DCHS2: variants seen among roughly 807,000 people sequenced by gnomAD.
DCHS2 encodes the protein dachsous cadherin-related 2.
A neutral mutation model predicts 182.4 loss-of-function variants in DCHS2; 142 were observed. The observed-to-expected ratio is 0.78, with a 90% CI of 0.68 to 0.89. DCHS2 has a LOEUF of 0.89. Ranked by LOEUF, DCHS2 falls within the 40% of genes least tolerant of loss-of-function variation. The pLI, the probability that DCHS2 is intolerant of heterozygous loss-of-function variation, is 0.00. For synonymous variants in DCHS2, 1,740 were observed against 1,663.3 expected (o/e 1.05, Z -1.12); for missense variants, 4,319 against 4,198.6 (o/e 1.03, Z -0.79).
Position 154,490,562 on chromosome 4 carries a change from T to C in DCHS2, c.794A>G (p.Gln265Arg). The change falls in exon 1 of 20, where the codon CAG becomes CGG. Residue 265 changes from glutamine to arginine, a missense_variant. Physicochemically the swap from Gln to Arg is conservative, Grantham distance 43. Coordinates refer to ENST00000357232, the MANE Select transcript of DCHS2 (RefSeq NM_001358235.2). ...DREEAAAHRL[Q>R]IEAWDGGRPR... is the part of the protein sequence containing the mutation. ...TCGGCCGCCGTCCCATGCCTCGATC[T>C]GCAGCCGGTGCGCCGCCGCCTCCTC... 3.2e-6 allele frequency: 5 copies of C among 1,542,038 alleles called. No individual in the cohort carries two copies. The highest frequency in any genetic ancestry group is 4.4e-6 in the Non-Finnish European group (5 of 1,146,100).
chr4:154,452,366 G>T (rs1734570203), intron 1 of DCHS2, among the ~76,000 whole-genome samples: 1 of 152,172 alleles, frequency 6.6e-6, no homozygotes, highest in African/African-American at 2.4e-5. Flanking sequence ...GGTTGAGGCT[G>T]TAATCCCAGC....
intron 12 of DCHS2, among the ~76,000 whole-genome samples, chr4:154,301,064 G>A (rs1179853548): frequency 2.6e-5 from 4 of 152,138 alleles, no homozygotes; most frequent in East Asian, 1.9e-4. Context: ...CTGGGATCAT[G>A]GAATTTATCT....
intron 3 of DCHS2, chr4:154,352,482 T>C (rs1373783886): frequency 6.6e-6 from 1 of 152,150 alleles, no homozygotes; most frequent in East Asian, 1.9e-4. Context: ...CAATTTCTGG[T>C]AAATGCAGAG....
chr4:154,383,819 A>AT (rs988550676), intron 1 of DCHS2, among the ~76,000 whole-genome samples: 15 of 151,502 alleles, frequency 9.9e-5, no homozygotes, highest in Non-Finnish European at 1.2e-4. Flanking sequence ...ACTCAGCAAA[A>AT]TTTGTGAAAA....
chr4:154,327,576 G>C (rs1736330604), intron 7 of DCHS2, among the ~76,000 whole-genome samples: 2 of 151,998 alleles, frequency 1.3e-5, no homozygotes, highest in African/African-American at 4.8e-5. Flanking sequence ...GTAAATAACT[G>C]GAAAAAATCT....
intron 1 of DCHS2, among the ~76,000 whole-genome samples, chr4:154,381,012 C>T (rs1480650444): frequency 6.6e-6 from 1 of 152,098 alleles, no homozygotes; most frequent in African/African-American, 2.4e-5. Flanking sequence ...TGGGCCCTTT[C>T]TCCAAAGATG....
At chr4:154,434,432 T>C (rs1238865204) in intron 1 of DCHS2, among the ~76,000 whole-genome samples, 1 of 151,988 alleles carries the variant, frequency 6.6e-6, no homozygotes, top group Non-Finnish European at 1.5e-5. Context: ...AGAAAAAAAA[T>C]AAGTCACTGG....
chr4:154,327,041 T>G (rs1736311621), intron 7 of DCHS2, among the ~76,000 whole-genome samples: 1 of 152,210 alleles, frequency 6.6e-6, no homozygotes, highest in East Asian at 1.9e-4. Context: ...CATTCTTTTA[T>G]GTCCTTCATT....
At chr4:154,346,157 C>T (rs1729350954) in intron 3 of DCHS2, among the ~76,000 whole-genome samples, 1 of 152,182 alleles carries the variant, frequency 6.6e-6, no homozygotes, top group Non-Finnish European at 1.5e-5. Flanking sequence ...AATTCCATCC[C>T]ATTAGGGGTG....
At chr4:154,469,221 T>TAA (rs1200291200) in intron 1 of DCHS2, among the ~76,000 whole-genome samples, 77 of 152,156 alleles carry the variant, frequency 5.1e-4, no homozygotes, top group African/African-American at 7.7e-4. Flanking sequence ...TGCAAACATC[T>TAA]TCTCAATATA....
intron 12 of DCHS2, among the ~76,000 whole-genome samples, chr4:154,302,946 C>A: frequency 6.8e-5 from 4 of 58,472 alleles, no homozygotes; most frequent in African/African-American, 5.2e-4. Context: ...TACACACACA[C>A]ACACACACAC....
intron 3 of DCHS2, among the ~76,000 whole-genome samples, chr4:154,340,932 G>A (rs987387434): frequency 2.0e-5 from 3 of 152,190 alleles, no homozygotes; most frequent in African/African-American, 7.2e-5. Flanking sequence ...TGTAAACAGT[G>A]AAACATCACA....
intron 1 of DCHS2, among the ~76,000 whole-genome samples, chr4:154,468,960 T>C (rs1291835149): frequency 6.6e-6 from 1 of 152,142 alleles, no homozygotes; most frequent in Non-Finnish European, 1.5e-5. Context: ...TGTAAAGTGA[T>C]GAATATGTTA....
chr4:154,439,415 G>T (rs1434378596), intron 1 of DCHS2, among the ~76,000 whole-genome samples: 1 of 116,506 alleles, frequency 8.6e-6, no homozygotes, highest in South Asian at 2.7e-4. Flanking sequence ...TTAATTTTTG[G>T]CAATTTGCCA....
At chr4:154,433,538 G>T (rs1269743698) in intron 1 of DCHS2, among the ~76,000 whole-genome samples, 2 of 151,830 alleles carry the variant, frequency 1.3e-5, no homozygotes, top group Non-Finnish European at 2.9e-5. Context: ...GGGCCTACAG[G>T]CGTGCGCCAC....
chr4:154,442,074 C>G (rs761215075), intron 1 of DCHS2, among the ~76,000 whole-genome samples: 14 of 152,106 alleles, frequency 9.2e-5, no homozygotes, highest in Non-Finnish European at 1.6e-4. Context: ...ATCATTATAT[C>G]ATCGTCATCT....
intron 14 of DCHS2, among the ~76,000 whole-genome samples, chr4:154,268,105 C>T (rs979126601): frequency 6.6e-6 from 1 of 152,172 alleles, no homozygotes; most frequent in South Asian, 2.1e-4. Flanking sequence ...AAAACTAGCA[C>T]AAATTTTTTT....
chr4:154,468,837 C>A (rs902410166), intron 1 of DCHS2, among the ~76,000 whole-genome samples: 1 of 152,176 alleles, frequency 6.6e-6, no homozygotes, highest in East Asian at 1.9e-4. Context: ...ATGTACCAGG[C>A]ATTGGTTTCC....
At position 154,322,461 on chromosome 4, in the gene DCHS2, T is replaced by C. The variant is rs764720819; in HGVS notation, c.4046A>G (p.Asp1349Gly). 2.5e-6 allele frequency: 4 copies of C among 1,613,300 alleles called. No homozygotes were observed. The highest frequency in any genetic ancestry group is 3.4e-6 in the Non-Finnish European group (4 of 1,179,610). ...SEDSSDHFKI[D>G]ANNGEIRTTT... is the part of the protein sequence containing the mutation. ...TGTTCTTATTTCACCATTGTTGGCG[T>C]CAATCTTAAAGTGATCAGAACTATC... Residue 1349 changes from aspartate to glycine, a missense_variant, in exon 8 of 20, where the codon GAC (aspartate) becomes GGC (glycine). Asp to Gly is a moderately conservative substitution (Grantham distance 94, BLOSUM62 -1). Transcript: ENST00000357232.
Sources: gnomAD v4.1 joint callset for allele counts (sites outside exome capture counted in the v4.1 genomes callset) on GRCh38, gnomAD v4.1.1 for gene constraint, MANE v1.5 for transcripts, NCBI Gene and HGNC (gene_info 2026-07-23, HGNC 2026-07-21) for gene names.